The following MSL2 variants were observed in gnomAD, a reference collection of about 807,000 sequenced individuals.
MSL2 encodes MSL complex subunit 2, also known as E3 ubiquitin-protein ligase MSL2.
A neutral mutation model predicts 35.8 loss-of-function variants in MSL2; 2 were observed. That is an observed-to-expected ratio of 0.06 (90% CI 0.02 to 0.18). The LOEUF (loss-of-function observed/expected upper bound fraction) is 0.18, where lower values mean the gene tolerates loss of function less well. Ranked by LOEUF, MSL2 falls within the 10% of genes least tolerant of loss-of-function variation. The probability of loss-of-function intolerance (pLI) is 1.00; values close to 1 mark genes in which losing one functional copy is unlikely to be tolerated. For synonymous variants in MSL2, 296 were observed against 255.7 expected (o/e 1.16, Z -1.50); for missense variants, 523 against 706.7 (o/e 0.74, Z 2.95).
chr3:136,192,940 A>AC (rs1413231112), intron 1 of MSL2, among the ~76,000 whole-genome samples: 1 of 152,172 alleles, frequency 6.6e-6, no homozygotes, highest in African/African-American at 2.4e-5. Context: ...TCATAGACTT[A>AC]CGTCCAAAGA....
chr3:136,165,749 A>G (rs549489928), intron 1 of MSL2, among the ~76,000 whole-genome samples: 2 of 152,168 alleles, frequency 1.3e-5, no homozygotes, highest in African/African-American at 2.4e-5. Flanking sequence ...TAATTTTTAA[A>G]CCAGATTAAG....
At chr3:136,152,950 C>T in intron 1 of MSL2, 2 of 985,382 alleles carry the variant, frequency 2.0e-6, no homozygotes, top group South Asian at 4.7e-5. Flanking sequence ...TATCTCAAAC[C>T]AAAATCATCC....
In MSL2 at chr3:136,152,277, T is replaced by C. The variant is rs202012080; in HGVS notation, c.604A>G (p.Ile202Val). Residue 202 changes from isoleucine (I) to valine (V), a missense_variant, in exon 2 of 2, where the codon ATA becomes GTA. Physicochemically the swap from Ile to Val is conservative, Grantham distance 29. Transcript: ENST00000309993. ...NGLPTYNGLS[I>V]DRFGINIPSP... ...GGAATATTTATACCAAATCTATCTATTGAAAGCCCATTATAAGTAGGCAAA... is the reference window on the plus strand; with the variant it reads ...GGAATATTTATACCAAATCTATCTACTGAAAGCCCATTATAAGTAGGCAAA... The C allele has an allele frequency of 5.2e-5, 84 of 1,613,960 alleles. 1 individual carries two copies. The highest frequency in any genetic ancestry group is 6.2e-5 in the Non-Finnish European group (73 of 1,179,930).
chr3:136,171,355 ACT>A (rs1433465328), intron 1 of MSL2, among the ~76,000 whole-genome samples: 1 of 151,942 alleles, frequency 6.6e-6, no homozygotes, highest in Non-Finnish European at 1.5e-5. Context: ...CCCAAAAGAA[ACT>A]CTAAAGCTGA....
intron 1 of MSL2, among the ~76,000 whole-genome samples, chr3:136,177,160 AAACT>A (rs1472588541): frequency 2.0e-5 from 3 of 152,234 alleles, no homozygotes; most frequent in Admixed American, 1.3e-4. Context: ...TCTAAATAAC[AAACT>A]AAGGTTTTGA....
intron 1 of MSL2, among the ~76,000 whole-genome samples, chr3:136,192,322 G>C (rs1192469481): frequency 1.3e-5 from 2 of 152,146 alleles, no homozygotes; most frequent in African/African-American, 4.8e-5. Flanking sequence ...GGGATTACAG[G>C]CACCTGCCAC....
intron 1 of MSL2, among the ~76,000 whole-genome samples, chr3:136,184,001 A>AT (rs372066007): frequency 6.6e-6 from 1 of 152,336 alleles, no homozygotes; most frequent in East Asian, 1.9e-4. Flanking sequence ...CATCATTAGA[A>AT]TTCTATGGTC....
rs71157363 is a variant in MSL2 at position 136,170,508 on chromosome 3, CTTT to C, written c.143-17773_143-17771del. Among the ~76,000 whole-genome samples, 72 of 81,642 alleles carry C rather than the reference CTTT, an allele frequency of 8.8e-4. 1 individual carries two copies. The highest frequency in any genetic ancestry group is 3.2e-3 in the African/African-American group (64 of 20,024). The allele number at this position is 81,642 out of a possible 152,430, so 53.6% of individuals were successfully genotyped here. On this transcript the variant is annotated intron_variant, in intron 1 of 1. Transcript: ENST00000309993. ...GACCAAAAGGAAAAAAAACTCTGTCCTTTTTTTTTTTTTTTTTTTTTTTTGAGA... is the reference window on the plus strand; with the variant it reads ...GACCAAAAGGAAAAAAAACTCTGTCCTTTTTTTTTTTTTTTTTTTTTGAGA...
chr3:136,189,108 C>CA lies in MSL2; in HGVS notation c.142+5863dup, dbSNP rs372715974. Among the ~76,000 whole-genome samples the CA allele has an allele frequency of 5.2e-3, 199 of 38,596 alleles. 17 individuals carry two copies. The highest frequency in any genetic ancestry group is 0.011 in the East Asian group (4 of 356). The allele number at this position is 38,596 out of a possible 152,430, so 25.3% of individuals were successfully genotyped here. A position where few individuals can be genotyped will look rare whatever the true frequency, so the allele number is the denominator to read the frequency against. On this transcript the variant is annotated intron_variant, in intron 1 of 1. Transcript: ENST00000309993. The stretch of plus-strand genomic sequence containing the variant: ...GCAACATGGTGAAACCCTGTCTCTA[C>CA]AAAAAAAAAAAAAAAAAAAAAAAAA...
At chr3:136,191,353 A>C (rs1221180704) in intron 1 of MSL2, among the ~76,000 whole-genome samples, 2 of 151,840 alleles carry the variant, frequency 1.3e-5, no homozygotes, top group Non-Finnish European at 2.9e-5. Flanking sequence ...TGTAATCCCA[A>C]GCTACTCGGG....
At chr3:136,173,023 C>T (rs1576366768) in intron 1 of MSL2, among the ~76,000 whole-genome samples, 1 of 152,202 alleles carries the variant, frequency 6.6e-6, no homozygotes, top group East Asian at 1.9e-4. Flanking sequence ...ACCAGCCAGG[C>T]ATGGTGGTGT....
chr3:136,153,002 ACCT>A (rs1939416515), intron 1 of MSL2: 2 of 985,300 alleles, frequency 2.0e-6, no homozygotes, highest in Non-Finnish European at 2.4e-6. Context: ...GTTCTGGTCC[ACCT>A]TCTTATCCTC....
chr3:136,181,578 G>C (rs1047893717), intron 1 of MSL2, among the ~76,000 whole-genome samples: 1 of 152,074 alleles, frequency 6.6e-6, no homozygotes, highest in East Asian at 1.9e-4. Flanking sequence ...TCTGTAAATG[G>C]TAAGCTCCAA....
At chr3:136,183,599 T>G (rs1177381685) in intron 1 of MSL2, among the ~76,000 whole-genome samples, 1 of 152,138 alleles carries the variant, frequency 6.6e-6, no homozygotes, top group African/African-American at 2.4e-5. Flanking sequence ...ATTTTTGTAT[T>G]TGTTGTAGAG....
At chr3:136,185,157 A>T (rs929263835) in intron 1 of MSL2, among the ~76,000 whole-genome samples, 8 of 151,880 alleles carry the variant, frequency 5.3e-5, no homozygotes, top group Admixed American at 4.6e-4. Flanking sequence ...TGTATTTTTA[A>T]TAGAGACAAG....
intron 1 of MSL2, among the ~76,000 whole-genome samples, chr3:136,186,111 C>T (rs959978798): frequency 1.3e-5 from 2 of 152,198 alleles, no homozygotes; most frequent in African/African-American, 4.8e-5. Flanking sequence ...ACTACCTCAA[C>T]TCTTCAGGTT....
Position 136,149,131 on chromosome 3 carries a change from A to C in MSL2, c.*2016T>G, listed in dbSNP as rs1298920222. On this transcript the variant is annotated 3_prime_UTR_variant, in exon 2 of 2. Coordinates refer to ENST00000309993, the MANE Select transcript of MSL2 (RefSeq NM_018133.4). ...ACCTCCCATGCATCAAAAAAAAAAA[A>C]AAACCCACAAGATTATCAAACTTGG... 2.0e-5 allele frequency: 3 copies of C among 152,290 alleles called. No homozygotes were observed. The highest frequency in any genetic ancestry group is 4.4e-5 in the Non-Finnish European group (3 of 67,958). The allele number at this position is 152,290 out of a possible 1,614,324, so 9.4% of individuals were successfully genotyped here.
At chr3:136,171,735 T>C (rs1293633957) in intron 1 of MSL2, among the ~76,000 whole-genome samples, 2 of 152,186 alleles carry the variant, frequency 1.3e-5, no homozygotes, top group African/African-American at 4.8e-5. Context: ...TAGGTTCTTT[T>C]CACAGCTGTA....
chr3:136,164,784 A>C (rs993663189), intron 1 of MSL2, among the ~76,000 whole-genome samples: 1 of 152,162 alleles, frequency 6.6e-6, no homozygotes, highest in African/African-American at 2.4e-5. Context: ...AAAACTGTGG[A>C]GTGTTTAAGG....
Sources: allele counts gnomAD v4.1 joint callset (sites outside exome capture counted in the v4.1 genomes callset), GRCh38; gene constraint gnomAD v4.1.1; transcripts MANE v1.5; gene names NCBI Gene and HGNC (gene_info 2026-07-23, HGNC 2026-07-21).